Variants in STAG1 observed in about 807,000 individuals in gnomAD.
The protein encoded by STAG1 is STAG1 cohesin complex component, also known as cohesin subunit SA-1.
Under a neutral mutation model 170.9 loss-of-function variants are expected in STAG1, and 26 were observed. The observed-to-expected ratio is 0.15, with a 90% CI of 0.11 to 0.21. The LOEUF (loss-of-function observed/expected upper bound fraction) is 0.21, where lower values mean the gene tolerates loss of function less well. Ranked by LOEUF, STAG1 falls within the 10% of genes least tolerant of loss-of-function variation. The pLI is 1.00. For missense variants in STAG1, 964 were observed against 1,509.5 expected, an observed-to-expected ratio of 0.64 and a Z score of 5.99; for synonymous variants, 514 against 497.7, an observed-to-expected ratio of 1.03 and a Z score of -0.44.
At chr3:136,437,657 TTG>T (rs1292835952) in intron 15 of STAG1, among the ~76,000 whole-genome samples, 1 of 152,208 alleles carries the variant, frequency 6.6e-6, no homozygotes, top group Non-Finnish European at 1.5e-5. Flanking sequence ...ACAAAATGAT[TTG>T]TGTAGTCTTT....
At chr3:136,665,737 G>A (rs1468771187) in intron 1 of STAG1, among the ~76,000 whole-genome samples, 17 of 143,588 alleles carry the variant, frequency 1.2e-4, no homozygotes, top group Non-Finnish European at 1.7e-4. Context: ...CCAAGATCAC[G>A]CCACTGCACT....
chr3:136,500,495 C>T (rs1055918767), intron 8 of STAG1, among the ~76,000 whole-genome samples, 199 bp from the exon 9 acceptor site: 2 of 152,072 alleles, frequency 1.3e-5, no homozygotes, highest in African/African-American at 4.8e-5. Flanking sequence ...TAGAACTTTT[C>T]ACTGTCTCTC....
chr3:136,602,310 C>T (rs965223424), intron 4 of STAG1, among the ~76,000 whole-genome samples: 48 of 147,342 alleles, frequency 3.3e-4, no homozygotes, highest in African/African-American at 1.1e-3. Context: ...ACCTGGGAGG[C>T]GGAGGTTGCA....
At chr3:136,528,855 A>G (rs927806411) in intron 6 of STAG1, among the ~76,000 whole-genome samples, 4 of 151,884 alleles carry the variant, frequency 2.6e-5, no homozygotes, top group Non-Finnish European at 4.4e-5. Flanking sequence ...ACTTGAGCCC[A>G]GGAGGCAGAG....
At chr3:136,374,124 T>C (rs923339775) in intron 23 of STAG1, among the ~76,000 whole-genome samples, 2 of 152,128 alleles carry the variant, frequency 1.3e-5, no homozygotes, top group Non-Finnish European at 2.9e-5. Context: ...TTGATCTTTG[T>C]TGGTTTAAAG....
chr3:136,541,586 CA>C, intron 6 of STAG1, among the ~76,000 whole-genome samples: 1 of 82,742 alleles, frequency 1.2e-5, no homozygotes. Flanking sequence ...ACACACACAC[CA>C]GGGGTTTGGG....
chr3:136,448,100 A>G (rs1244090238), intron 14 of STAG1, among the ~76,000 whole-genome samples: 1 of 152,216 alleles, frequency 6.6e-6, no homozygotes, highest in Non-Finnish European at 1.5e-5. Context: ...TGGTACCAAA[A>G]GAAAACAAAG....
chr3:136,601,507 A>C (rs780380191), intron 4 of STAG1, among the ~76,000 whole-genome samples: 1 of 152,170 alleles, frequency 6.6e-6, no homozygotes, highest in African/African-American at 2.4e-5. Context: ...TCAGAAAATA[A>C]GAAACAAAAA....
intron 5 of STAG1, among the ~76,000 whole-genome samples, chr3:136,557,434 ACTAAC>A (rs1399917369): frequency 6.6e-6 from 1 of 152,232 alleles, no homozygotes; most frequent in African/African-American, 2.4e-5. Context: ...AATTTGAAGG[ACTAAC>A]CTATACATAA....
intron 1 of STAG1, among the ~76,000 whole-genome samples, chr3:136,646,244 C>G (rs926433523): frequency 2.0e-5 from 3 of 152,192 alleles, no homozygotes; most frequent in African/African-American, 7.2e-5. Flanking sequence ...CTGCTTCCAC[C>G]TCCCAAAATG....
intron 6 of STAG1, among the ~76,000 whole-genome samples, chr3:136,525,727 G>C (rs1207306375): frequency 2.0e-5 from 3 of 152,100 alleles, no homozygotes; most frequent in Non-Finnish European, 2.9e-5. Flanking sequence ...TCTCTTGTGG[G>C]CATTTAGTGC....
At chr3:136,576,158 G>A (rs1344879130) in intron 4 of STAG1, among the ~76,000 whole-genome samples, 3 of 152,196 alleles carry the variant, frequency 2.0e-5, no homozygotes, top group Non-Finnish European at 4.4e-5. Context: ...AGAATGAAAT[G>A]TAACTAGTAA....
Position 136,613,313 on chromosome 3 carries a change from C to CAA in STAG1, c.133-8842_133-8841dup, listed in dbSNP as rs60449608. On this transcript the variant is annotated intron_variant, in intron 3 of 33. Transcript: ENST00000383202. ...AAGTGAACAGAGTGAGACTCCGTCT[C>CAA]AAAAAAAAAAAAAAAAAAAAAAGAA... Among the ~76,000 whole-genome samples the CAA allele has an allele frequency of 1.3e-3, 77 of 59,606 alleles. 3 individuals are homozygous for CAA. Among genetic ancestry groups the CAA allele is most frequent in the African/African-American group, 3.0e-3 (43 of 14,328 alleles). 39.1% of individuals were successfully genotyped at this position (59,606 alleles called of 152,430 possible). A position where few individuals can be genotyped will look rare whatever the true frequency, so the allele number is the denominator to read the frequency against.
At chr3:136,583,699 C>A (rs755365885) in intron 4 of STAG1, among the ~76,000 whole-genome samples, 2 of 152,048 alleles carry the variant, frequency 1.3e-5, no homozygotes, top group Non-Finnish European at 2.9e-5. Flanking sequence ...TGAGGCACAA[C>A]AATTGCTTAA....
Position 136,669,980 on chromosome 3 carries a change from CAT to C in STAG1, c.-83-39001_-83-39000del, listed in dbSNP as rs751537267. On this transcript the variant is annotated intron_variant, in intron 1 of 33. Coordinates refer to ENST00000383202, the MANE Select transcript of STAG1 (RefSeq NM_005862.3). ...ACACACAAATAACTAAAATATATCA[CAT>C]AGTTTTCAGGAAATTTTCAATGACT... Among the ~76,000 whole-genome samples, 3 of 152,174 alleles carry C rather than the reference CAT, an allele frequency of 2.0e-5. No individual in the cohort carries two copies. The South Asian group carries it at 6.2e-4, about 32-fold the overall frequency.
chr3:136,459,799 AG>A (rs2089224274), intron 13 of STAG1, among the ~76,000 whole-genome samples: 2 of 152,350 alleles, frequency 1.3e-5, no homozygotes, highest in South Asian at 4.1e-4. Context: ...ATTTCGTGAG[AG>A]AAAAGAAAAT....
chr3:136,674,185 G>GGGAGGGAGGGAGGGAGGGAA (rs1942066017), intron 1 of STAG1, among the ~76,000 whole-genome samples: 2 of 116,228 alleles, frequency 1.7e-5, no homozygotes, highest in African/African-American at 8.1e-5. Context: ...GAGGGAGGGA[G>GGGAGGGAGGGAGGGAGGGAA]GGAGGGAAGG....
intron 1 of STAG1, among the ~76,000 whole-genome samples, chr3:136,714,408 C>A (rs562727949): frequency 1.3e-5 from 2 of 151,950 alleles, no homozygotes; most frequent in African/African-American, 2.4e-5. Flanking sequence ...ATCCTGGCAA[C>A]GTACCGAGAA....
At chr3:136,388,996 A>G (rs977794827) in intron 22 of STAG1, among the ~76,000 whole-genome samples, 1 of 152,078 alleles carries the variant, frequency 6.6e-6, no homozygotes, top group African/African-American at 2.4e-5. Flanking sequence ...GGATCTCACT[A>G]TGTTGGCCAA....
Sources: gnomAD v4.1 joint callset for allele counts (sites outside exome capture counted in the v4.1 genomes callset) on GRCh38, gnomAD v4.1.1 for gene constraint, MANE v1.5 for transcripts, NCBI Gene and HGNC (gene_info 2026-07-23, HGNC 2026-07-21) for gene names.